Variants in PRMT7 observed in about 807,000 individuals in gnomAD.
PRMT7 encodes protein arginine N-methyltransferase 7.
PRMT7 carries 75 observed loss-of-function variants against 85.4 expected under a neutral mutation model. That is an observed-to-expected ratio of 0.88 (90% CI 0.73 to 1.06). The LOEUF (loss-of-function observed/expected upper bound fraction) is 1.06, where lower values mean the gene tolerates loss of function less well. Ranked by LOEUF, PRMT7 falls within the 50% of genes least tolerant of loss-of-function variation. The pLI, the probability that PRMT7 is intolerant of heterozygous loss-of-function variation, is 0.00. For missense variants in PRMT7, 868 were observed against 915.2 expected (o/e 0.95, Z 0.67); for synonymous variants, 397 against 359.5 (o/e 1.10, Z -1.18).
chr16:68,319,705 A>AGTGTGTGTGTGT (rs1567638319), intron 3 of PRMT7, among the ~76,000 whole-genome samples: 1 of 50,766 alleles, frequency 2.0e-5, no homozygotes, highest in African/African-American at 1.0e-4. Context: ...TCTCAATAAG[A>AGTGTGTGTGTGT]GTGAGAGTGT....
chr16:68,325,551 T>C (rs569963782), intron 5 of PRMT7, among the ~76,000 whole-genome samples: 1 of 150,504 alleles, frequency 6.6e-6, no homozygotes, highest in South Asian at 2.1e-4. Context: ...TCCCAGCACT[T>C]TGGGAGGCCG....
In PRMT7 at chr16:68,352,260, C is replaced by G; in HGVS notation, c.1426C>G (p.Leu476Val). Residue 476 changes from leucine to valine, a missense_variant, in exon 15 of 19, where the codon CTG (leucine) becomes GTG (valine). Transcript: ENST00000441236. ...DLQGRKVSLL[L>V]GEPFFTTSLL... ...GCCCATTCACCAGGTCTCTCTCCTCCTGGGCGAGCCGTTCTTCACTACCAG... is the reference window on the plus strand; with the variant it reads ...GCCCATTCACCAGGTCTCTCTCCTCGTGGGCGAGCCGTTCTTCACTACCAG... 1 of 1,613,316 alleles carries G rather than the reference C, an allele frequency of 6.2e-7. No homozygotes were observed. Among genetic ancestry groups the G allele is most frequent in the South Asian group, 1.1e-5 (1 of 91,070 alleles).
intron 9 of PRMT7, among the ~76,000 whole-genome samples, chr16:68,341,078 G>A (rs889692891): frequency 2.0e-5 from 3 of 152,242 alleles, no homozygotes. Flanking sequence ...AAAACTGACT[G>A]CATCTGGGAA....
At chr16:68,327,092 G>A (rs1410024369) in intron 5 of PRMT7, among the ~76,000 whole-genome samples, 9 of 152,134 alleles carry the variant, frequency 5.9e-5, no homozygotes, top group African/African-American at 1.9e-4. Context: ...TAAATACTGC[G>A]CGCTAATCAA....
At chr16:68,345,464 T>C (rs552295041) in intron 9 of PRMT7, among the ~76,000 whole-genome samples, 76 of 152,364 alleles carry the variant, frequency 5.0e-4, no homozygotes, top group South Asian at 8.3e-4. Context: ...TTGGCCACAT[T>C]GTGTCTTCCT....
intron 3 of PRMT7, among the ~76,000 whole-genome samples, chr16:68,320,096 C>T (rs2082323101): frequency 6.6e-6 from 1 of 152,134 alleles, no homozygotes; most frequent in African/African-American, 2.4e-5. Flanking sequence ...AATACCGCAT[C>T]AGTGGTTATC....
intron 6 of PRMT7, among the ~76,000 whole-genome samples, chr16:68,337,236 G>A (rs976227699): frequency 4.0e-5 from 6 of 149,054 alleles, no homozygotes; most frequent in Non-Finnish European, 7.4e-5. Flanking sequence ...CCTTACCCTA[G>A]ATTTATCAAT....
At chr16:68,330,547 T>C (rs1046573946) in intron 6 of PRMT7, among the ~76,000 whole-genome samples, 1 of 152,164 alleles carries the variant, frequency 6.6e-6, no homozygotes, top group Non-Finnish European at 1.5e-5. Context: ...TTAACAATTT[T>C]TTTTTAATGG....
chr16:68,316,061 C>T lies in PRMT7; in HGVS notation c.82C>T (p.Gln28Ter), dbSNP rs763719331. The T allele has an allele frequency of 3.1e-6, 5 of 1,613,270 alleles. No homozygotes were observed. The highest frequency in any genetic ancestry group is 3.3e-5 in the Admixed American group (2 of 59,988). Residue 28 changes from glutamine to a stop codon, truncating the protein, a stop_gained, in exon 3 of 19, where the codon CAG becomes TAG. Transcript: ENST00000441236. LOFTEE classifies it high-confidence loss of function. ...GGAGGATGAACACTATGATTACCAC[C>T]AGGAGATTGCAAGGTACTGGGTTGG... ...LEEDEHYDYH[Q>*]EIARSSYADM...
In PRMT7 at chr16:68,312,418, G is replaced by T. The variant is rs947715151; in HGVS notation, c.-84+242G>T. Among the ~76,000 whole-genome samples the T allele has an allele frequency of 5.3e-5, 8 of 151,944 alleles. No individual in the cohort carries two copies. The East Asian group carries it at 1.5e-3, about 29-fold the overall frequency. On this transcript the variant is annotated intron_variant, in intron 2 of 18. Coordinates refer to ENST00000441236, the MANE Select transcript of PRMT7 (RefSeq NM_019023.5). ...CGGCTAATTTTTTTAAAAATTTTTT[G>T]TAGAGAACGGGGTCTCACTATGTTG...
intron 18 of PRMT7, 117 bp from the exon 19 acceptor site, chr16:68,356,937 G>A: frequency 7.3e-7 from 1 of 1,379,196 alleles, no homozygotes; most frequent in Non-Finnish European, 9.9e-7. Flanking sequence ...GTGGTCCTGG[G>A]CCATCTGGCC....
At chr16:68,318,204 C>CTTTTTTTTTTT (rs67973024) in intron 3 of PRMT7, among the ~76,000 whole-genome samples, 1 of 143,794 alleles carries the variant, frequency 7.0e-6, no homozygotes, top group African/African-American at 2.6e-5. Flanking sequence ...ACTTTTTTTT[C>CTTTTTTTTTTT]TTTTTTTTTT....
Position 68,347,220 on chromosome 16 carries a change from C to G in PRMT7, c.1201C>G (p.Pro401Ala). 1 of 1,552,642 alleles carries G rather than the reference C, an allele frequency of 6.4e-7. No homozygotes were observed. Among genetic ancestry groups the G allele is most frequent in the South Asian group, 1.2e-5 (1 of 83,956 alleles). ...TGCCTGTTCCCCGCAGGTGCTGAAGCCAGACAGCGTGTGCCTGTGTGTCAG... is the reference window on the plus strand; with the variant it reads ...TGCCTGTTCCCCGCAGGTGCTGAAGGCAGACAGCGTGTGCCTGTGTGTCAG... ...YVQALRTVLK[P>A]DSVCLCVSDG... The change falls in exon 12 of 19, where the codon CCA (proline) becomes GCA (alanine). Residue 401 changes from proline to alanine, a missense_variant. Coordinates refer to ENST00000441236, the MANE Select transcript of PRMT7 (RefSeq NM_019023.5).
chr16:68,330,082 C>T lies in PRMT7; in HGVS notation c.391+908C>T, dbSNP rs532118877. On this transcript the variant is annotated intron_variant, in intron 6 of 18. Coordinates refer to ENST00000441236, the MANE Select transcript of PRMT7 (RefSeq NM_019023.5). ...CTGCTTTTTGTATTTTTAGCAGAGA[C>T]GGGGTTTCACCATGTTGGCCAGGCT... Among the ~76,000 whole-genome samples the T allele has an allele frequency of 1.5e-4, 23 of 151,942 alleles. 1 individual carries two copies. The Middle Eastern group carries it at 0.01, about 67-fold the overall frequency.
intron 9 of PRMT7, among the ~76,000 whole-genome samples, chr16:68,345,381 G>T (rs2086205501): frequency 6.6e-6 from 1 of 152,210 alleles, no homozygotes; most frequent in South Asian, 2.1e-4. Flanking sequence ...GAGCTTTGGT[G>T]CTACTCTGAT....
At position 68,339,797 on chromosome 16, in the gene PRMT7, C is replaced by T. The variant is rs1214751719; in HGVS notation, c.756C>T (p.Phe252=). Residue 252 remains phenylalanine, a synonymous_variant, in exon 9 of 19, where the codon TTC becomes TTT. Transcript: ENST00000441236. ...GAATATTATTCCTCAGCATAGACTTCAGCAAGCAAGTCAGTAGCTCAGCAG... is the reference window on the plus strand; with the variant it reads ...GAATATTATTCCTCAGCATAGACTTTAGCAAGCAAGTCAGTAGCTCAGCAG... ...SDVLPMFSID[F]SKQVSSSAAC... The T allele has an allele frequency of 6.2e-7, 1 of 1,613,600 alleles. No homozygotes were observed. Among genetic ancestry groups the T allele is most frequent in the Non-Finnish European group, 8.5e-7 (1 of 1,179,456 alleles).
intron 3 of PRMT7, among the ~76,000 whole-genome samples, chr16:68,317,617 C>A (rs1023287879): frequency 1.3e-5 from 2 of 152,102 alleles, no homozygotes; most frequent in Non-Finnish European, 2.9e-5. Flanking sequence ...CACCTGAGGT[C>A]GGGAGTTCGA....
chr16:68,319,515 G>C (rs1013728671), intron 3 of PRMT7, among the ~76,000 whole-genome samples: 1 of 150,876 alleles, frequency 6.6e-6, no homozygotes, highest in Admixed American at 6.6e-5. Flanking sequence ...TTTAAATAGT[G>C]AGCAGAGGTA....
chr16:68,324,362 C>T, intron 4 of PRMT7: 1 of 357,616 alleles, frequency 2.8e-6, no homozygotes, highest in South Asian at 2.6e-5. Flanking sequence ...GCTCTGTCCT[C>T]CTACCTTCCA....
Sources: allele counts gnomAD v4.1 joint callset (sites outside exome capture counted in the v4.1 genomes callset), GRCh38; gene constraint gnomAD v4.1.1; transcripts MANE v1.5; gene names NCBI Gene and HGNC (gene_info 2026-07-23, HGNC 2026-07-21).